The following BAIAP2L2 variants were observed in gnomAD, a reference collection of about 807,000 sequenced individuals.
BAIAP2L2 encodes BAR/IMD domain-containing adapter protein 2-like 2.
A neutral mutation model predicts 60.4 loss-of-function variants in BAIAP2L2; 65 were observed. That is an observed-to-expected ratio of 1.08 (90% CI 0.88 to 1.32). BAIAP2L2 has a LOEUF of 1.32. Among genes scored for constraint, BAIAP2L2 ranks in the 40% most tolerant of loss-of-function variants. The pLI is 0.00. For missense variants in BAIAP2L2, 836 were observed against 741.2 expected, an observed-to-expected ratio of 1.13 and a Z score of -1.48; for synonymous variants, 344 against 301.7, an observed-to-expected ratio of 1.14 and a Z score of -1.45.
In BAIAP2L2 at chr22:38,108,261, T is replaced by C. The variant is rs1207790091; in HGVS notation, c.208A>G (p.Ile70Val). The C allele has an allele frequency of 6.2e-7, 1 of 1,612,240 alleles. No individual in the cohort carries two copies. ...TGTGGAGGGGGAGCCTCACCCAGAATCTGTGAGGTGGGGCTCTGCAGGGCA... is the reference window on the plus strand; with the variant it reads ...TGTGGAGGGGGAGCCTCACCCAGAACCTGTGAGGTGGGGCTCTGCAGGGCA... ...ERALQSPTSQILGEILVQMSD... is the reference protein window; with the variant it reads ...ERALQSPTSQVLGEILVQMSD... The change falls in exon 3 of 14, where the codon ATT becomes GTT. Residue 70 changes from isoleucine to valine, a missense_variant. Transcript: ENST00000381669.
rs747393218 is a variant in BAIAP2L2, at chr22:38,088,859, G to A, written c.1007C>T (p.Ser336Leu). 8.8e-6 allele frequency: 14 copies of A among 1,596,076 alleles called. No homozygotes were observed. Among genetic ancestry groups the A allele is most frequent in the East Asian group, 4.5e-5 (2 of 44,720 alleles). ...CAGCAGCGTGTGGTTGGCGCCCTCCGAGTGGGAGACCAGGGCGCGGACTCT... is the reference window on the plus strand; with the variant it reads ...CAGCAGCGTGTGGTTGGCGCCCTCCAAGTGGGAGACCAGGGCGCGGACTCT... Reference protein sequence around the residue: ...ARRVRALVSHSEGANHTLLRF... With the variant: ...ARRVRALVSHLEGANHTLLRF... Residue 336 changes from serine to leucine, a missense_variant, in exon 10 of 14, where the codon TCG becomes TTG. Coordinates refer to ENST00000381669, the MANE Select transcript of BAIAP2L2 (RefSeq NM_025045.6).
intron 7 of BAIAP2L2, among the ~76,000 whole-genome samples, chr22:38,092,761 T>C (rs997064652): frequency 8.5e-6 from 1 of 118,268 alleles, no homozygotes; most frequent in Non-Finnish European, 1.7e-5. Context: ...CCCCCAGTGT[T>C]GGAGGTGGGA....
At position 38,088,904 on chromosome 22, in the gene BAIAP2L2, C is replaced by T; in HGVS notation, c.962G>A (p.Gly321Asp). The T allele has an allele frequency of 6.4e-7, 1 of 1,562,516 alleles. No homozygotes were observed. The highest frequency in any genetic ancestry group is 8.6e-7 in the Non-Finnish European group (1 of 1,161,882). The change falls in exon 10 of 14, where the codon GGC becomes GAC. Residue 321 changes from glycine (G) to aspartate (D), a missense_variant. Gly to Asp is a moderately conservative substitution (Grantham distance 94). Coordinates refer to ENST00000381669, the MANE Select transcript of BAIAP2L2 (RefSeq NM_025045.6). Reference sequence around the variant, plus strand: ...GACTCTCCTGGCGCCCCCGCCGCCGCCCGGGCGCTCGCCAAAGGAGTTGGA... The same window carrying T: ...GACTCTCCTGGCGCCCCCGCCGCCGTCCGGGCGCTCGCCAAAGGAGTTGGA... ...SRSNSFGERP[G>D]GGGGARRVRA...
intron 12 of BAIAP2L2, 51 bp downstream of exon 12, chr22:38,086,191 C>T (rs2086061070): frequency 6.4e-7 from 1 of 1,564,726 alleles, no homozygotes; most frequent in Non-Finnish European, 8.7e-7. Flanking sequence ...TCCCTGCTCT[C>T]CTGCCTCCCT....
intron 8 of BAIAP2L2, 95 bp from the exon 9 acceptor site, chr22:38,089,326 C>T (rs201237621): frequency 3.6e-6 from 2 of 550,186 alleles, no homozygotes; most frequent in Non-Finnish European, 5.3e-6. Flanking sequence ...CAGGCGTCGG[C>T]GTAGGGGTTC....
At chr22:38,109,316 A>T in intron 1 of BAIAP2L2, 108 bp from the exon 2 acceptor site, 1 of 858,132 alleles carries the variant, frequency 1.2e-6, no homozygotes, top group Admixed American at 2.1e-5. Flanking sequence ...CCCCCAGCCC[A>T]GTGAGAAGCC....
At chr22:38,101,421 C>T (rs1406042193) in intron 4 of BAIAP2L2, among the ~76,000 whole-genome samples, 3 of 142,088 alleles carry the variant, frequency 2.1e-5, no homozygotes, top group African/African-American at 8.0e-5. Context: ...GTGGTTCATG[C>T]CTGTGGTCCT....
At position 38,108,345 on chromosome 22, in the gene BAIAP2L2, T is replaced by C. The variant is rs1293874717; in HGVS notation, c.128-4A>G. ...ACCTCGGCCGCCTCGGACAGAGCTG[T>C]GGACCAGAAGGGACAGGTCTGGTCC... On this transcript the variant is annotated splice_region_variant and splice_polypyrimidine_tract_variant and intron_variant, in intron 2 of 13. Coordinates refer to ENST00000381669, the MANE Select transcript of BAIAP2L2 (RefSeq NM_025045.6). 6.2e-7 allele frequency: 1 copy of C among 1,611,416 alleles called. No individual in the cohort carries two copies. Among genetic ancestry groups the C allele is most frequent in the Admixed American group, 1.7e-5 (1 of 59,878 alleles).
chr22:38,093,821 T>C, intron 7 of BAIAP2L2: 1 of 444,142 alleles, frequency 2.3e-6, no homozygotes, highest in Non-Finnish European at 4.6e-6. Flanking sequence ...AGAGTTACCA[T>C]ATGGCCCCAC....
rs765877682 is a variant in BAIAP2L2, at chr22:38,088,792, C to T, written c.1074G>A (p.Glu358=). ...TGCCGTAGAGCCAGCCGTTCTGGGC[C>T]TCGGGCACCAACACCTCCACCACGT... ...AGDVVEVLVP[E]AQNGWLYGKL... The change falls in exon 10 of 14, where the codon GAG becomes GAA. Residue 358 remains glutamate (E), a synonymous_variant. Transcript: ENST00000381669. 3 of 1,601,256 alleles carry T rather than the reference C, an allele frequency of 1.9e-6. No individual in the cohort carries two copies. The highest frequency in any genetic ancestry group is 8.5e-7 in the Non-Finnish European group (1 of 1,179,660).
At chr22:38,101,509 T>C (rs1270846817) in intron 4 of BAIAP2L2, among the ~76,000 whole-genome samples, 1 of 133,024 alleles carries the variant, frequency 7.5e-6, no homozygotes, top group Admixed American at 8.7e-5. Flanking sequence ...ACTGCACCAC[T>C]GTACTCCAGC....
chr22:38,085,328 T>C lies in BAIAP2L2; in HGVS notation c.1562A>G (p.Asn521Ser), dbSNP rs767759842. The C allele has an allele frequency of 2.5e-5, 41 of 1,613,750 alleles. No homozygotes were observed. The highest frequency in any genetic ancestry group is 3.3e-4 in the Middle Eastern group (2 of 6,080). The change falls in exon 14 of 14, where the codon AAT (asparagine) becomes AGT (serine). Residue 521 changes from asparagine to serine, a missense_variant. Asn to Ser is a conservative substitution (Grantham distance 46, BLOSUM62 1). Coordinates refer to ENST00000381669, the MANE Select transcript of BAIAP2L2 (RefSeq NM_025045.6). ...ATVKLRPTIT[N>S]DRSAPLIR is the part of the protein sequence containing the mutation. ...GCGGATGAGGGGTGCTGAGCGGTCA[T>C]TGGTGATGGTGGGACGAAGCTTGAC...
intron 10 of BAIAP2L2, 28 bp downstream of exon 10, chr22:38,088,720 C>CGG: frequency 6.9e-7 from 1 of 1,447,160 alleles, no homozygotes; most frequent in Non-Finnish European, 9.5e-7. Context: ...CTCAACCCAC[C>CGG]CCCGGCCCCT....
intron 7 of BAIAP2L2, among the ~76,000 whole-genome samples, chr22:38,093,189 A>T (rs555136878): frequency 1.3e-5 from 2 of 151,880 alleles, no homozygotes; most frequent in East Asian, 3.9e-4. Context: ...AAAAAGAAAG[A>T]GTGTGGCACC....
intron 1 of BAIAP2L2, among the ~76,000 whole-genome samples, chr22:38,109,581 T>G (rs1285658393): frequency 6.6e-6 from 1 of 152,154 alleles, no homozygotes; most frequent in African/African-American, 2.4e-5. Flanking sequence ...AGCCCTGCCC[T>G]GTGTCCAGGC....
Position 38,097,154 on chromosome 22 carries a change from G to A in BAIAP2L2, c.490C>T (p.Gln164Ter). 1 of 1,613,810 alleles carries A rather than the reference G, an allele frequency of 6.2e-7. No homozygotes were observed. Among genetic ancestry groups the A allele is most frequent in the Non-Finnish European group, 8.5e-7 (1 of 1,180,008 alleles). The change falls in exon 7 of 14, where the codon CAG (glutamine) becomes TAG (stop). Residue 164 changes from glutamine to a stop codon, truncating the protein, a stop_gained. Transcript: ENST00000381669. LOFTEE classifies it high-confidence loss of function. Reference protein sequence around the residue: ...MKESVNRLHAQMQAFVSESQR... With the variant: ...MKESVNRLHA ...CTCTCAGACACGAAGGCCTGCATCTGTGCGTGCAGCCGGTTCACACTCTCC... is the reference window on the plus strand; with the variant it reads ...CTCTCAGACACGAAGGCCTGCATCTATGCGTGCAGCCGGTTCACACTCTCC...
chr22:38,108,123 G>A (rs1287084523), intron 3 of BAIAP2L2, 132 bp downstream of exon 3: 1 of 1,006,390 alleles, frequency 9.9e-7, no homozygotes, highest in Non-Finnish European at 1.5e-6. Context: ...GGGGAGCCTG[G>A]GCCCCAGAAC....
At chr22:38,091,718 A>C (rs1040008362) in intron 7 of BAIAP2L2, among the ~76,000 whole-genome samples, 2 of 152,162 alleles carry the variant, frequency 1.3e-5, no homozygotes, top group Non-Finnish European at 2.9e-5. Flanking sequence ...GTATAGCAAA[A>C]CCAATCATAA....
Position 38,089,580 on chromosome 22 carries a change from C to T in BAIAP2L2, c.707G>A (p.Gly236Asp). ...PSRAHSPGLL[G>D]PALGPPYPSG... ...GGGGTAGGGCGGCCCCAGCGCGGGG[C>T]CCAGCAGGCCGGGGGAGTGGGCGCG... The change falls in exon 8 of 14, where the codon GGC becomes GAC. Residue 236 changes from glycine to aspartate, a missense_variant. Gly to Asp is a moderately conservative substitution (Grantham distance 94, BLOSUM62 -1). Transcript: ENST00000381669. 4.9e-6 allele frequency: 6 copies of T among 1,232,800 alleles called. No individual in the cohort carries two copies. In the East Asian group the frequency reaches 1.3e-4, roughly 26 times the overall value. 76.4% of individuals were successfully genotyped at this position (1,232,800 alleles called of 1,614,324 possible).
Sources: allele counts gnomAD v4.1 joint callset (sites outside exome capture counted in the v4.1 genomes callset), GRCh38; gene constraint gnomAD v4.1.1; transcripts MANE v1.5; gene names NCBI Gene and HGNC (gene_info 2026-07-23, HGNC 2026-07-21).